The following MYT1 variants were observed in gnomAD, a reference collection of about 807,000 sequenced individuals.
The protein encoded by MYT1 is myelin transcription factor I.
MYT1 carries 23 observed loss-of-function variants against 123.0 expected under a neutral mutation model. That is an observed-to-expected ratio of 0.19 (90% confidence interval 0.13 to 0.26). The LOEUF is 0.26. MYT1 is among the 10% of genes least tolerant of loss of function. MYT1 has a pLI of 1.00. For missense variants in MYT1, 1,125 were observed against 1,472.5 expected (o/e 0.76, Z 3.86); for synonymous variants, 518 against 575.3 (o/e 0.90, Z 1.43).
chr20:64,185,606 A>T lies in MYT1; in HGVS notation c.-98-4457A>T, dbSNP rs562248824. Reference sequence around the variant, plus strand: ...GCCAGGGCTGGAGTGGATCAGAGCTAACTGCCACAGGGACTCCCATCCGGA... The same window carrying T: ...GCCAGGGCTGGAGTGGATCAGAGCTTACTGCCACAGGGACTCCCATCCGGA... On this transcript the variant is annotated intron_variant, in intron 1 of 22. Transcript: ENST00000328439. This position sits in a 1 kb window ranked among gnomAD's most constrained non-coding sequence, Gnocchi z 4.5. Among the ~76,000 whole-genome samples the T allele has an allele frequency of 5.9e-5, 9 of 152,284 alleles. 1 individual carries two copies. The East Asian group carries it at 1.7e-3, about 29-fold the overall frequency.
chr20:64,183,840 A>T (rs2145698668), intron 1 of MYT1, among the ~76,000 whole-genome samples: 1 of 152,142 alleles, frequency 6.6e-6, no homozygotes, highest in East Asian at 1.9e-4. Flanking sequence ...TTTATTTTTG[A>T]GACAGAGTCT....
intron 7 of MYT1, 84 bp from the exon 8 acceptor site, chr20:64,211,122 G>T: frequency 6.8e-7 from 1 of 1,470,592 alleles, no homozygotes. Context: ...GACAGCCAGA[G>T]AGAGGGTTCC....
rs376916583 is a variant in MYT1, at chr20:64,237,326, A to G, written c.3029A>G (p.Glu1010Gly). ...NDEEIKQLNQ[E>G]IRDLNESNSE... is the part of the protein sequence containing the mutation. ...GAGGAGATCAAGCAGCTGAACCAGG[A>G]GATCCGAGACCTGAACGAGTCCAAC... is the stretch of plus-strand genomic sequence containing the variant. Residue 1010 changes from glutamate to glycine, a missense_variant, in exon 21 of 23, where the codon GAG becomes GGG. Physicochemically the swap from Glu to Gly is moderately conservative, Grantham distance 98. Coordinates refer to ENST00000328439, the MANE Select transcript of MYT1 (RefSeq NM_004535.3). The G allele has an allele frequency of 3.7e-6, 6 of 1,611,270 alleles. No homozygotes were observed. In the African/African-American group the frequency reaches 8.0e-5, roughly 22 times the overall value.
rs1175263949 is a variant in MYT1 at position 64,193,427 on chromosome 20, C to T, written c.-1+3267C>T. On this transcript the variant is annotated intron_variant, in intron 2 of 22. Transcript: ENST00000328439. This position sits in a 1 kb window ranked among gnomAD's most constrained non-coding sequence, Gnocchi z 4.0. ...GCAACACAAATGCTTGAATGCTGCT[C>T]TTAGATCGTTGAGTGGGAGCTTGGA... Among the ~76,000 whole-genome samples the T allele has an allele frequency of 2.6e-5, 4 of 152,184 alleles. No homozygotes were observed. The highest frequency in any genetic ancestry group is 6.5e-5 in the Admixed American group (1 of 15,286).
chr20:64,206,561 A>G (rs534743869), intron 6 of MYT1, among the ~76,000 whole-genome samples: 2 of 151,894 alleles, frequency 1.3e-5, no homozygotes, highest in South Asian at 4.2e-4. Flanking sequence ...CCCACCACTC[A>G]CCCAGCACTC....
chr20:64,233,935 G>A (rs59252842), intron 19 of MYT1, among the ~76,000 whole-genome samples: 2,737 of 152,300 alleles, frequency 0.018, 89 homozygotes, highest in African/African-American at 0.063. Context: ...CTGGCTGCCC[G>A]CTGGCAAGGA....
chr20:64,198,286 C>CAA (rs34822167), intron 2 of MYT1, among the ~76,000 whole-genome samples: 724 of 23,726 alleles, frequency 0.031, 107 homozygotes, highest in African/African-American at 0.058. Context: ...GACTCCGTCT[C>CAA]AAAAAAAAAA....
intron 1 of MYT1, among the ~76,000 whole-genome samples, chr20:64,177,586 C>T (rs906010766): frequency 6.6e-6 from 1 of 151,530 alleles, no homozygotes; most frequent in Non-Finnish European, 1.5e-5. Flanking sequence ...CAAGAGGGCA[C>T]CCCTCTCCAG....
chr20:64,185,067 G>A lies in MYT1; in HGVS notation c.-98-4996G>A, dbSNP rs1000360278. Among the ~76,000 whole-genome samples the A allele has an allele frequency of 2.6e-5, 4 of 152,294 alleles. No individual in the cohort carries two copies. Among genetic ancestry groups the A allele is most frequent in the Admixed American group, 1.3e-4 (2 of 15,298 alleles). On this transcript the variant is annotated intron_variant, in intron 1 of 22. Transcript: ENST00000328439. The surrounding 1 kb of genome is among the most constrained non-coding windows in gnomAD (Gnocchi z 4.5). Reference sequence around the variant, plus strand: ...GGCCAACTGTGGTGGGGAGTGAAGCGTAGTTATGAAGCAGGAGGAGATGGA... The same window carrying A: ...GGCCAACTGTGGTGGGGAGTGAAGCATAGTTATGAAGCAGGAGGAGATGGA...
At position 64,172,404 on chromosome 20, in the gene MYT1, C is replaced by T. The variant is rs115596558; in HGVS notation, c.-99+7665C>T. Reference sequence around the variant, plus strand: ...GCTTTGAGGCCTGGGGATCTTCCCTCGAGCTCTCTCCCTTCTGAACTGGGG... The same window carrying T: ...GCTTTGAGGCCTGGGGATCTTCCCTTGAGCTCTCTCCCTTCTGAACTGGGG... On this transcript the variant is annotated intron_variant, in intron 1 of 22. Coordinates refer to ENST00000328439, the MANE Select transcript of MYT1 (RefSeq NM_004535.3). Among the ~76,000 whole-genome samples, 191 of 152,342 alleles carry T rather than the reference C, an allele frequency of 1.3e-3. 1 individual carries two copies. Among genetic ancestry groups the T allele is most frequent in the African/African-American group, 3.0e-3 (125 of 41,576 alleles).
intron 1 of MYT1, among the ~76,000 whole-genome samples, chr20:64,177,667 A>G (rs1438215996): frequency 6.7e-6 from 1 of 149,486 alleles, no homozygotes; most frequent in Non-Finnish European, 1.5e-5. Flanking sequence ...GGCAGGGACA[A>G]GAGGGTACCC....
chr20:64,201,347 G>A (rs1276985461), intron 4 of MYT1, among the ~76,000 whole-genome samples: 1 of 152,144 alleles, frequency 6.6e-6, no homozygotes, highest in African/African-American at 2.4e-5. Flanking sequence ...TGAGCCTTGT[G>A]GTCTCAACTG....
At chr20:64,170,161 C>T (rs532220405) in intron 1 of MYT1, among the ~76,000 whole-genome samples, 1 of 152,300 alleles carries the variant, frequency 6.6e-6, no homozygotes, top group South Asian at 2.1e-4. Context: ...GCCTCCCTAT[C>T]TCCCTTCATC....
Position 64,185,926 on chromosome 20 carries a change from G to A in MYT1, c.-98-4137G>A, listed in dbSNP as rs115540523. Among the ~76,000 whole-genome samples the A allele has an allele frequency of 6.2e-3, 940 of 152,326 alleles. 7 individuals are homozygous for A. The highest frequency in any genetic ancestry group is 0.022 in the South Asian group (107 of 4,824). On this transcript the variant is annotated intron_variant, in intron 1 of 22. Coordinates refer to ENST00000328439, the MANE Select transcript of MYT1 (RefSeq NM_004535.3). The surrounding 1 kb of genome is among the most constrained non-coding windows in gnomAD (Gnocchi z 4.5). ...CAGAGCACTGGCTCTCAGTGGAAGCGTCCTGTCTGGGGCCTGGGTCAGGCT... is the reference window on the plus strand; with the variant it reads ...CAGAGCACTGGCTCTCAGTGGAAGCATCCTGTCTGGGGCCTGGGTCAGGCT...
intron 2 of MYT1, among the ~76,000 whole-genome samples, chr20:64,197,977 C>T (rs1450515666): frequency 3.3e-5 from 5 of 152,200 alleles, no homozygotes; most frequent in African/African-American, 4.8e-5. Context: ...GACCCTGGTG[C>T]GTGAGGGGCA....
Position 64,232,409 on chromosome 20 carries a change from C to T in MYT1, c.2897+24C>T. ...AGGTAACTGTGCCTGCAGGTCCTGC[C>T]CCTCTGTGCAGTCAGTAGGGACCCT... is the stretch of plus-strand genomic sequence containing the variant. On this transcript the variant is annotated intron_variant, in intron 19 of 22. Coordinates refer to ENST00000328439, the MANE Select transcript of MYT1 (RefSeq NM_004535.3). This position sits in a 1 kb window ranked among gnomAD's most constrained non-coding sequence, Gnocchi z 6.9. 5 of 1,609,718 alleles carry T rather than the reference C, an allele frequency of 3.1e-6. No individual in the cohort carries two copies. Among genetic ancestry groups the T allele is most frequent in the Non-Finnish European group, 4.2e-6 (5 of 1,177,178 alleles).
At chr20:64,238,657 C>T (rs890193507) in intron 21 of MYT1, among the ~76,000 whole-genome samples, 1 of 112,298 alleles carries the variant, frequency 8.9e-6, no homozygotes, top group Non-Finnish European at 1.9e-5. Context: ...CTCCTGGTGT[C>T]TCTGAGTGTG....
At position 64,168,684 on chromosome 20, in the gene MYT1, G is replaced by A. The variant is rs1229348104; in HGVS notation, c.-99+3945G>A. ...GGCAACTGAGTGTGTGGTTTGCCCT[G>A]GGGTTGCTTGGAGTTGATTGGATAT... On this transcript the variant is annotated intron_variant, in intron 1 of 22. Coordinates refer to ENST00000328439, the MANE Select transcript of MYT1 (RefSeq NM_004535.3). This position sits in a 1 kb window ranked among gnomAD's most constrained non-coding sequence, Gnocchi z 6.1. 6.6e-6 allele frequency among the ~76,000 whole-genome samples: 1 copy of A among 152,194 alleles called. No homozygotes were observed. Among genetic ancestry groups the A allele is most frequent in the Non-Finnish European group, 1.5e-5 (1 of 68,034 alleles).
At chr20:64,181,470 A>G (rs1982650118) in intron 1 of MYT1, among the ~76,000 whole-genome samples, 1 of 151,890 alleles carries the variant, frequency 6.6e-6, no homozygotes, top group Admixed American at 6.6e-5. Flanking sequence ...TGAATTTTTC[A>G]TTTTGGTTTT....
Sources: allele counts gnomAD v4.1 joint callset (sites outside exome capture counted in the v4.1 genomes callset), GRCh38; gene constraint gnomAD v4.1.1; non-coding constraint Gnocchi (gnomAD v3.1); transcripts MANE v1.5; gene names NCBI Gene and HGNC (gene_info 2026-07-23, HGNC 2026-07-21).